Variants in CENPE observed in about 807,000 individuals in gnomAD.
The protein encoded by CENPE is centromere protein E.
A neutral mutation model predicts 336.1 loss-of-function variants in CENPE; 145 were observed. The ratio of observed to expected loss-of-function variants is 0.43; its 90% CI spans 0.38 to 0.50. CENPE has a LOEUF of 0.50. CENPE is among the 20% of genes least tolerant of loss of function. CENPE has a pLI of 0.00. For missense variants in CENPE, 2,719 were observed against 3,023.3 expected (o/e 0.90, Z 2.36); for synonymous variants, 1,013 against 984.8 (o/e 1.03, Z -0.54).
chr4:103,142,907 C>T (rs1199195519), intron 34 of CENPE, among the ~76,000 whole-genome samples: 1 of 146,182 alleles, frequency 6.8e-6, no homozygotes, highest in Non-Finnish European at 1.5e-5. Flanking sequence ...ACTTGGGAGA[C>T]TTGAGGCAGG....
chr4:103,196,850 T>A lies in CENPE; in HGVS notation c.57A>T (p.Arg19Ser). The change falls in exon 2 of 49, where the codon AGA (arginine) becomes AGT (serine). Residue 19 changes from arginine (R) to serine (S), a missense_variant and splice_region_variant. Around this residue, in one of 5 missense-constraint regions of CENPE, gnomAD observed 48 missense variants for 50.8 expected, o/e 0.94. Transcript: ENST00000265148. ...VCVRVRPLNS[R>S]EESLGETAQV... ...GGGCAGTTTCTCCAAGTGATTCTTC[T>A]CTAAAAGAATAAAAACACCGCATTT... 1.3e-6 allele frequency: 2 copies of A among 1,490,856 alleles called. No individual in the cohort carries two copies. The highest frequency in any genetic ancestry group is 1.9e-6 in the Non-Finnish European group (2 of 1,071,634). 92.4% of individuals were successfully genotyped at this position (1,490,856 alleles called of 1,614,324 possible).
intron 47 of CENPE, 74 bp from the exon 48 acceptor site, chr4:103,109,163 A>T: frequency 1.8e-6 from 2 of 1,138,214 alleles, no homozygotes; most frequent in Non-Finnish European, 2.4e-6. Flanking sequence ...TTATATTTAA[A>T]AATTAAAAAT....
chr4:103,196,141 G>A, intron 3 of CENPE, 22 bp downstream of exon 3: 1 of 1,602,350 alleles, frequency 6.2e-7, no homozygotes, highest in Non-Finnish European at 8.6e-7. Context: ...AAATGTTTCT[G>A]CAGCATTGAG....
At position 103,114,534 on chromosome 4, in the gene CENPE, G is replaced by T; in HGVS notation, c.7461C>A (p.Ala2487=). The T allele has an allele frequency of 1.2e-6, 2 of 1,607,282 alleles. No individual in the cohort carries two copies. Among genetic ancestry groups the T allele is most frequent in the Non-Finnish European group, 1.7e-6 (2 of 1,175,936 alleles). The change falls in exon 46 of 49, where the codon GCC becomes GCA. Residue 2487 remains alanine (A), a synonymous_variant. Transcript: ENST00000265148. ...TAACTTCCTTTTGATATTCTACAGT[G>T]GCTTTTGTAGCACTGATTCTAACAA... is the stretch of plus-strand genomic sequence containing the variant. The part of the protein sequence containing the change: ...EFEKEISATK[A]TVEYQKEVIR...
At position 103,154,522 on chromosome 4, in the gene CENPE, T is replaced by C. The variant is rs539826771; in HGVS notation, c.3034-1272A>G. 2.6e-5 allele frequency among the ~76,000 whole-genome samples: 4 copies of C among 152,274 alleles called. No individual in the cohort carries two copies. The South Asian group carries it at 8.3e-4, about 32-fold the overall frequency. On this transcript the variant is annotated intron_variant, in intron 24 of 48. Transcript: ENST00000265148. The stretch of plus-strand genomic sequence containing the variant: ...ATGAGCTTCTAGAAGATAACAGTGA[T>C]CACAGAGCTAACTACATGAGAAATT...
intron 21 of CENPE, among the ~76,000 whole-genome samples, chr4:103,159,920 G>C (rs560183831): frequency 5.9e-5 from 9 of 151,902 alleles, no homozygotes; most frequent in East Asian, 1.9e-4. Context: ...GAGAAAAAAA[G>C]AAGAGATAAA....
In CENPE at chr4:103,141,118, TAA is replaced by T. The variant is rs1560620142; in HGVS notation, c.5464-16_5464-15del. ...AAGTTCTTGAATCTTAAGATAATCATAAAATAATATGTTAGGTGGCTTTTTAG... is the reference window on the plus strand; with the variant it reads ...AAGTTCTTGAATCTTAAGATAATCATAATAATATGTTAGGTGGCTTTTTAG... On this transcript the variant is annotated splice_polypyrimidine_tract_variant and intron_variant, in intron 35 of 48. Transcript: ENST00000265148. 1 of 1,442,406 alleles carries T rather than the reference TAA, an allele frequency of 6.9e-7. No homozygotes were observed. Among genetic ancestry groups the T allele is most frequent in the South Asian group, 1.3e-5 (1 of 77,340 alleles). 89.4% of individuals were successfully genotyped at this position (1,442,406 alleles called of 1,614,324 possible). A position where few individuals can be genotyped will look rare whatever the true frequency, so the allele number is the denominator to read the frequency against.
intron 8 of CENPE, among the ~76,000 whole-genome samples, chr4:103,187,102 G>C (rs999152549): frequency 7.2e-5 from 11 of 152,142 alleles, no homozygotes; most frequent in Non-Finnish European, 4.4e-5. Flanking sequence ...TTATGCAAGG[G>C]AGTAATAGAA....
intron 16 of CENPE, among the ~76,000 whole-genome samples, chr4:103,164,123 A>G (rs938142060): frequency 3.3e-5 from 5 of 152,142 alleles, no homozygotes; most frequent in African/African-American, 1.2e-4. Flanking sequence ...GGAATGATCA[A>G]CTATGACCTT....
chr4:103,147,223 G>T, intron 29 of CENPE, 133 bp downstream of exon 29: 1 of 705,866 alleles, frequency 1.4e-6, no homozygotes, highest in Non-Finnish European at 2.3e-6. Flanking sequence ...TCTGTTTCTA[G>T]TCATTTCATG....
chr4:103,194,980 T>C (rs1392559730), intron 5 of CENPE, 134 bp downstream of exon 5: 1 of 758,998 alleles, frequency 1.3e-6, no homozygotes, highest in Non-Finnish European at 2.0e-6. Flanking sequence ...TGAATATAAA[T>C]ACTTCAAAAA....
intron 42 of CENPE, among the ~76,000 whole-genome samples, chr4:103,125,780 G>A (rs373967910): frequency 6.0e-5 from 9 of 149,508 alleles, no homozygotes; most frequent in African/African-American, 7.4e-5. Context: ...CAAGAGAATC[G>A]CTTGAACCCA....
intron 44 of CENPE, among the ~76,000 whole-genome samples, chr4:103,118,391 C>T (rs1413509659): frequency 6.6e-6 from 1 of 152,136 alleles, no homozygotes; most frequent in Non-Finnish European, 1.5e-5. Context: ...TGGTTGTTTC[C>T]TATTGTTGGT....
intron 8 of CENPE, among the ~76,000 whole-genome samples, chr4:103,187,480 T>C (rs899039712): frequency 3.9e-5 from 6 of 152,034 alleles, no homozygotes; most frequent in Admixed American, 6.5e-5. Flanking sequence ...CAGAAGAGAG[T>C]GGGGGCCAAT....
intron 46 of CENPE, among the ~76,000 whole-genome samples, chr4:103,111,993 T>C (rs1749477436): frequency 6.6e-6 from 1 of 151,930 alleles, no homozygotes; most frequent in South Asian, 2.1e-4. Flanking sequence ...TGTGCATGTA[T>C]ATAAATAAGT....
chr4:103,161,393 T>C lies in CENPE; in HGVS notation c.1907A>G (p.Asp636Gly), dbSNP rs751194057. 6.8e-6 allele frequency: 11 copies of C among 1,612,930 alleles called. No homozygotes were observed. In the South Asian group the frequency reaches 9.9e-5, roughly 15 times the overall value. The change falls in exon 19 of 49, where the codon GAT becomes GGT. Residue 636 changes from aspartate to glycine, a missense_variant. Physicochemically the swap from Asp to Gly is moderately conservative, Grantham distance 94. Coordinates refer to ENST00000265148, the MANE Select transcript of CENPE (RefSeq NM_001813.3). ...AAGAAAGGCTGATTCTCTCTTGGCATCAAGGGCTACAGTTTCAGCATCAAA... is the reference window on the plus strand; with the variant it reads ...AAGAAAGGCTGATTCTCTCTTGGCACCAAGGGCTACAGTTTCAGCATCAAA... ...TLFDAETVALDAKRESAFLRS... is the reference protein window; with the variant it reads ...TLFDAETVALGAKRESAFLRS...
At chr4:103,115,731 C>CTTT (rs749115745) in intron 45 of CENPE, among the ~76,000 whole-genome samples, 1 of 138,048 alleles carries the variant, frequency 7.2e-6, no homozygotes, top group African/African-American at 2.7e-5. Flanking sequence ...GAACATATTT[C>CTTT]TTTTTTTTTT....
intron 16 of CENPE, among the ~76,000 whole-genome samples, chr4:103,173,314 GA>G (rs1755570115): frequency 6.6e-6 from 1 of 151,940 alleles, no homozygotes; most frequent in Non-Finnish European, 1.5e-5. Flanking sequence ...ATATGTTGAA[GA>G]AAAACTAGAT....
At chr4:103,111,800 T>C (rs1367066902) in intron 46 of CENPE, among the ~76,000 whole-genome samples, 2 of 152,118 alleles carry the variant, frequency 1.3e-5, no homozygotes, top group East Asian at 1.9e-4. Flanking sequence ...TAACAGACAC[T>C]AGGGAAGTTT....
Sources: allele counts gnomAD v4.1 joint callset (sites outside exome capture counted in the v4.1 genomes callset), GRCh38; gene constraint gnomAD v4.1.1; regional missense constraint gnomAD v4.1.1; transcripts MANE v1.5; gene names NCBI Gene and HGNC (gene_info 2026-07-23, HGNC 2026-07-21).